Variants in AKAP6 observed in about 807,000 individuals in gnomAD.
AKAP6 encodes A-kinase anchoring protein 6, also known as A-kinase anchor protein 6.
In AKAP6, 58 loss-of-function variants were observed where a neutral mutation model predicts 188.5. That is an observed-to-expected ratio of 0.31 (90% CI 0.25 to 0.38). The LOEUF (loss-of-function observed/expected upper bound fraction) is 0.38. AKAP6 is among the 10% of genes least tolerant of loss of function. AKAP6 has a pLI of 1.00. For missense variants in AKAP6, 2,710 were observed against 2,740.0 expected, an observed-to-expected ratio of 0.99 and a Z score of 0.24; for synonymous variants, 989 against 998.6, an observed-to-expected ratio of 0.99 and a Z score of 0.18.
chr14:32,713,428 T>G (rs1473149994), intron 9 of AKAP6, among the ~76,000 whole-genome samples: 2 of 151,236 alleles, frequency 1.3e-5, no homozygotes, highest in Non-Finnish European at 3.0e-5. Flanking sequence ...AGGCATTGAC[T>G]TCTCCTCTCT....
At chr14:32,563,630 C>T (rs1255460753) in intron 4 of AKAP6, among the ~76,000 whole-genome samples, 1 of 152,168 alleles carries the variant, frequency 6.6e-6, no homozygotes, top group African/African-American at 2.4e-5. Context: ...ATACAACTCT[C>T]ACCCACAGTG....
chr14:32,545,868 G>T lies in AKAP6; in HGVS notation c.1215G>T (p.Leu405=), dbSNP rs1046662854. ...AAGAGGAAACTTTTAAGAATGATCT[G>T]AAAGGCAATGGTGGAAAGAGGCAAA... The part of the protein sequence containing the change: ...FLKEETFKND[L]KGNGGKRQMV... The change falls in exon 4 of 14, where the codon CTG becomes CTT. Residue 405 remains leucine (L), a synonymous_variant. Coordinates refer to ENST00000280979, the MANE Select transcript of AKAP6 (RefSeq NM_004274.5). The T allele has an allele frequency of 3.7e-6, 6 of 1,614,188 alleles. No individual in the cohort carries two copies. The highest frequency in any genetic ancestry group is 5.1e-6 in the Non-Finnish European group (6 of 1,180,022).
At chr14:32,345,229 G>T (rs1322347288) in intron 1 of AKAP6, among the ~76,000 whole-genome samples, 2 of 152,266 alleles carry the variant, frequency 1.3e-5, no homozygotes, top group African/African-American at 4.8e-5. Context: ...TACCGATTCA[G>T]TTCACACAGT....
At chr14:32,784,602 G>A (rs2033347709) in intron 12 of AKAP6, among the ~76,000 whole-genome samples, 1 of 152,306 alleles carries the variant, frequency 6.6e-6, no homozygotes, top group South Asian at 2.1e-4. Context: ...CACCAAGAGA[G>A]TGGGGCTGTT....
At chr14:32,401,736 T>C (rs1345742633) in intron 1 of AKAP6, among the ~76,000 whole-genome samples, 2 of 152,240 alleles carry the variant, frequency 1.3e-5, no homozygotes, top group African/African-American at 4.8e-5. Context: ...TAATTCTAAT[T>C]TTCAGAATTT....
chr14:32,344,936 A>AG (rs1491045367), intron 1 of AKAP6, among the ~76,000 whole-genome samples: 3 of 149,904 alleles, frequency 2.0e-5, no homozygotes, highest in Non-Finnish European at 3.0e-5. Context: ...AAAAAAAAAA[A>AG]AGAGAGAGAG....
At chr14:32,725,123 T>A (rs182286122) in intron 9 of AKAP6, among the ~76,000 whole-genome samples, 2 of 151,780 alleles carry the variant, frequency 1.3e-5, no homozygotes. Context: ...CATGCCTGCT[T>A]ACGTTTTTTG....
chr14:32,818,680 C>T (rs978201152), intron 12 of AKAP6, among the ~76,000 whole-genome samples: 6 of 152,154 alleles, frequency 3.9e-5, no homozygotes, highest in East Asian at 3.9e-4. Context: ...GGCTTGAATT[C>T]GTAAAGCCGT....
At chr14:32,800,039 GTCTC>G (rs762313539) in intron 12 of AKAP6, among the ~76,000 whole-genome samples, 33 of 112,720 alleles carry the variant, frequency 2.9e-4, no homozygotes, top group African/African-American at 6.9e-4. Flanking sequence ...GCAAAACCCT[GTCTC>G]TCTCTCTCTC....
chr14:32,471,865 G>A (rs937147168), intron 2 of AKAP6, among the ~76,000 whole-genome samples: 28 of 152,190 alleles, frequency 1.8e-4, no homozygotes, highest in African/African-American at 6.5e-4. Flanking sequence ...ATAACGCAGC[G>A]TGTTAAGCAT....
intron 12 of AKAP6, among the ~76,000 whole-genome samples, chr14:32,786,296 A>ATTTTTTTTTTTTT: frequency 9.6e-5 from 9 of 93,704 alleles, no homozygotes; most frequent in Admixed American, 2.5e-4. Flanking sequence ...CTAAACCTTT[A>ATTTTTTTTTTTTT]TCTTTTTTTT....
intron 2 of AKAP6, among the ~76,000 whole-genome samples, chr14:32,447,603 A>G (rs1890798074): frequency 1.3e-5 from 2 of 152,262 alleles, no homozygotes; most frequent in African/African-American, 4.8e-5. Flanking sequence ...AAGTTTCTTC[A>G]AAGATAGCAG....
At chr14:32,336,761 C>T (rs1465991851) in intron 1 of AKAP6, among the ~76,000 whole-genome samples, 1 of 152,180 alleles carries the variant, frequency 6.6e-6, no homozygotes, top group Non-Finnish European at 1.5e-5. Context: ...AGCCCTTTCT[C>T]AGCTTTCTCC....
chr14:32,821,028 C>G (rs1193102492), intron 12 of AKAP6, among the ~76,000 whole-genome samples: 1 of 152,128 alleles, frequency 6.6e-6, no homozygotes, highest in Non-Finnish European at 1.5e-5. Flanking sequence ...AGTGTGAATG[C>G]ACCTTAGGAG....
chr14:32,623,809 A>G (rs1306906858), intron 7 of AKAP6, among the ~76,000 whole-genome samples: 2 of 152,114 alleles, frequency 1.3e-5, no homozygotes, highest in Admixed American at 6.6e-5. Context: ...AATAATTTTC[A>G]TATCTTTGTC....
At chr14:32,353,557 A>G (rs1160691189) in intron 1 of AKAP6, among the ~76,000 whole-genome samples, 2 of 152,108 alleles carry the variant, frequency 1.3e-5, no homozygotes, top group Non-Finnish European at 2.9e-5. Context: ...CAAGACACAG[A>G]GATGCCCTCT....
At chr14:32,337,975 G>C (rs1339660478) in intron 1 of AKAP6, among the ~76,000 whole-genome samples, 1 of 151,984 alleles carries the variant, frequency 6.6e-6, no homozygotes, top group Non-Finnish European at 1.5e-5. Flanking sequence ...AGCCATGATT[G>C]CATCACTGCA....
At chr14:32,672,031 T>C (rs1889221345) in intron 7 of AKAP6, among the ~76,000 whole-genome samples, 1 of 152,202 alleles carries the variant, frequency 6.6e-6, no homozygotes, top group South Asian at 2.1e-4. Context: ...TTATACACTA[T>C]ATTATTATTA....
chr14:32,430,833 G>A (rs1302938940), intron 1 of AKAP6, among the ~76,000 whole-genome samples: 2 of 152,116 alleles, frequency 1.3e-5, no homozygotes, highest in Non-Finnish European at 2.9e-5. Context: ...GGGGCTGGGT[G>A]CGGTGGCTCA....
Sources: allele counts gnomAD v4.1 joint callset (sites outside exome capture counted in the v4.1 genomes callset), GRCh38; gene constraint gnomAD v4.1.1; transcripts MANE v1.5; gene names NCBI Gene and HGNC (gene_info 2026-07-23, HGNC 2026-07-21).